Variants in SLC38A11 observed in about 807,000 individuals in gnomAD.
The protein encoded by SLC38A11 is putative sodium-coupled neutral amino acid transporter 11.
Under a neutral mutation model 49.4 loss-of-function variants are expected in SLC38A11, and 51 were observed. The ratio of observed to expected loss-of-function variants is 1.03; its 90% CI spans 0.83 to 1.30. The LOEUF (loss-of-function observed/expected upper bound fraction) is 1.30, where lower values mean the gene tolerates loss of function less well. Among genes scored for constraint, SLC38A11 ranks in the 50% most tolerant of loss-of-function variants. The pLI is 0.00. For missense variants in SLC38A11, 574 were observed against 556.2 expected, an observed-to-expected ratio of 1.03 and a Z score of -0.32; for synonymous variants, 203 against 192.9, an observed-to-expected ratio of 1.05 and a Z score of -0.43.
chr2:164,912,653 A>G (rs935853427), intron 9 of SLC38A11, among the ~76,000 whole-genome samples: 2 of 152,040 alleles, frequency 1.3e-5, no homozygotes, highest in African/African-American at 2.4e-5. Context: ...ATGGCACCTC[A>G]TGAGCCCAAG....
At chr2:164,949,027 G>C (rs145420920) in intron 3 of SLC38A11, among the ~76,000 whole-genome samples, 1 of 150,508 alleles carries the variant, frequency 6.6e-6, no homozygotes, top group Non-Finnish European at 1.5e-5. Flanking sequence ...TTATAAAGTG[G>C]TATAATTATT....
At chr2:164,939,705 C>G in intron 5 of SLC38A11, 149 bp from the exon 6 acceptor site, 1 of 442,058 alleles carries the variant, frequency 2.3e-6, no homozygotes, top group Non-Finnish European at 4.0e-6. Context: ...TCCATAAAAA[C>G]ATATAAACAT....
intron 4 of SLC38A11, among the ~76,000 whole-genome samples, 199 bp downstream of exon 4, chr2:164,945,394 A>G (rs1660282446): frequency 1.3e-5 from 2 of 152,004 alleles, no homozygotes; most frequent in Admixed American, 1.3e-4. Context: ...CCCTCATTTT[A>G]TTTAAAAGAA....
chr2:164,906,111 A>T (rs1473845171), intron 11 of SLC38A11, among the ~76,000 whole-genome samples: 1 of 152,176 alleles, frequency 6.6e-6, no homozygotes, highest in Non-Finnish European at 1.5e-5. Flanking sequence ...ACAAAAAAAA[A>T]TTTGTTGGGC....
At chr2:164,939,984 A>G (rs1307492404) in intron 5 of SLC38A11, among the ~76,000 whole-genome samples, 4 of 125,486 alleles carry the variant, frequency 3.2e-5, no homozygotes, top group African/African-American at 1.2e-4. Flanking sequence ...AGGATGATGC[A>G]TTTTCTAAGG....
In SLC38A11 at chr2:164,926,563, C is replaced by T. The variant is rs888666498; in HGVS notation, c.618-10590G>A. Among the ~76,000 whole-genome samples, 10 of 151,568 alleles carry T rather than the reference C, an allele frequency of 6.6e-5. No individual in the cohort carries two copies. The East Asian group carries it at 1.6e-3, about 24-fold the overall frequency. ...ATGCTGCTATAAAGACACATGCACA[C>T]GTATGTTTACTGCAACACTATTCAC... is the stretch of plus-strand genomic sequence containing the variant. On this transcript the variant is annotated intron_variant, in intron 7 of 11. Transcript: ENST00000685975.
intron 11 of SLC38A11, chr2:164,908,020 G>C (rs1386541361): frequency 6.6e-6 from 1 of 152,060 alleles, no homozygotes. Flanking sequence ...AACAGAGCTG[G>C]GATTAATTCA....
intron 7 of SLC38A11, among the ~76,000 whole-genome samples, chr2:164,927,384 A>C (rs1005713030): frequency 2.6e-5 from 4 of 152,236 alleles, no homozygotes; most frequent in Non-Finnish European, 5.9e-5. Context: ...AACCAATTTC[A>C]GCAGTTTTTC....
At chr2:164,898,882 TAAGA>T (rs1323407363) in intron 11 of SLC38A11, 152 bp from the exon 12 acceptor site, 20 of 663,334 alleles carry the variant, frequency 3.0e-5, no homozygotes, top group Non-Finnish European at 4.4e-5. Context: ...AAAATAGTTC[TAAGA>T]AAGACTTAGA....
In SLC38A11 at chr2:164,929,982, A is replaced by T. The variant is rs184868964; in HGVS notation, c.617+7368T>A. On this transcript the variant is annotated intron_variant, in intron 7 of 11. Transcript: ENST00000685975. ...ATGAATCCAGGCGCTGTTTTTTTTT[A>T]AAATTCAAAAATAGATAGCCAGCTA... 2.2e-3 allele frequency among the ~76,000 whole-genome samples: 334 copies of T among 152,004 alleles called. 4 individuals are homozygous for T. In the East Asian group the frequency reaches 0.035, roughly 16 times the overall value.
At chr2:164,912,550 A>C (rs1685474701) in intron 9 of SLC38A11, 1 of 152,088 alleles carries the variant, frequency 6.6e-6, no homozygotes, top group South Asian at 2.1e-4. Flanking sequence ...AAACCAGTAC[A>C]TCTGGGGAGC....
chr2:164,933,881 A>G (rs972004699), intron 7 of SLC38A11, among the ~76,000 whole-genome samples: 3 of 152,290 alleles, frequency 2.0e-5, no homozygotes, highest in Non-Finnish European at 2.9e-5. Context: ...AACAGACATA[A>G]AAGGTGGCAC....
At chr2:164,899,762 T>G (rs1684539009) in intron 11 of SLC38A11, among the ~76,000 whole-genome samples, 1 of 152,100 alleles carries the variant, frequency 6.6e-6, no homozygotes, top group Admixed American at 6.6e-5. Flanking sequence ...AACTAACATA[T>G]CTATTCATCT....
At chr2:164,938,717 T>A (rs1325211486) in intron 6 of SLC38A11, among the ~76,000 whole-genome samples, 1 of 152,118 alleles carries the variant, frequency 6.6e-6, no homozygotes, top group African/African-American at 2.4e-5. Flanking sequence ...CAGTGAAAAG[T>A]AAAATTCAGC....
intron 3 of SLC38A11, 27 bp downstream of exon 3, chr2:164,952,680 G>T: frequency 6.8e-7 from 1 of 1,476,438 alleles, no homozygotes; most frequent in South Asian, 1.1e-5. Flanking sequence ...TGAAGTTGCA[G>T]AAATAAGAAA....
chr2:164,936,855 T>C (rs778377120), intron 7 of SLC38A11, among the ~76,000 whole-genome samples: 11 of 152,110 alleles, frequency 7.2e-5, no homozygotes, highest in Non-Finnish European at 1.3e-4. Flanking sequence ...AATAATAACA[T>C]TAAAAAGAAA....
At chr2:164,940,063 T>G (rs572055415) in intron 5 of SLC38A11, among the ~76,000 whole-genome samples, 1 of 150,746 alleles carries the variant, frequency 6.6e-6, no homozygotes, top group African/African-American at 2.4e-5. Context: ...TCAAAAAGAT[T>G]TAGATAAAAA....
intron 7 of SLC38A11, 38 bp from the exon 8 acceptor site, chr2:164,916,011 T>C: frequency 5.7e-6 from 8 of 1,395,428 alleles, no homozygotes; most frequent in Non-Finnish European, 8.1e-6. Context: ...AATTGTTAAA[T>C]AAATACAAGC....
In SLC38A11 at chr2:164,951,833, T is replaced by C. The variant is rs183990842; in HGVS notation, c.229+874A>G. 3.7e-4 allele frequency among the ~76,000 whole-genome samples: 57 copies of C among 152,212 alleles called. 1 individual carries two copies. In the East Asian group the frequency reaches 0.011, roughly 29 times the overall value. ...CCTGGAGCTCCAACTGTACCACACA[T>C]TGGTCCCCGTGGAGGCAAGGAGACC... is the stretch of plus-strand genomic sequence containing the variant. On this transcript the variant is annotated intron_variant, in intron 3 of 11. Transcript: ENST00000685975.
Sources: allele counts gnomAD v4.1 joint callset (sites outside exome capture counted in the v4.1 genomes callset), GRCh38; gene constraint gnomAD v4.1.1; transcripts MANE v1.5; gene names NCBI Gene and HGNC (gene_info 2026-07-23, HGNC 2026-07-21).